Variants in TMTC2 observed in about 807,000 individuals in gnomAD.
TMTC2 encodes the protein transmembrane O-mannosyltransferase targeting cadherins 2.
Under a neutral mutation model 82.4 loss-of-function variants are expected in TMTC2, and 43 were observed. The ratio of observed to expected loss-of-function variants is 0.52; its 90% CI spans 0.41 to 0.67. The LOEUF (loss-of-function observed/expected upper bound fraction) is 0.67. Among genes scored for constraint, TMTC2 ranks in the 30% least tolerant of loss-of-function variants. The pLI, the probability that TMTC2 is intolerant of heterozygous loss-of-function variation, is 0.00. For missense variants in TMTC2, 919 were observed against 1,012.4 expected, an observed-to-expected ratio of 0.91 and a Z score of 1.25; for synonymous variants, 408 against 381.9, an observed-to-expected ratio of 1.07 and a Z score of -0.80.
At chr12:82,956,077 C>G (rs1344506437) in intron 4 of TMTC2, among the ~76,000 whole-genome samples, 2 of 152,060 alleles carry the variant, frequency 1.3e-5, no homozygotes, top group East Asian at 3.9e-4. Context: ...ATGTGAAATC[C>G]TTGAGTTGTA....
chr12:83,029,418 A>G (rs1415852513), intron 8 of TMTC2, among the ~76,000 whole-genome samples: 1 of 152,208 alleles, frequency 6.6e-6, no homozygotes, highest in African/African-American at 2.4e-5. Flanking sequence ...AGGGAAGCCA[A>G]AAGATTAGAC....
intron 10 of TMTC2, among the ~76,000 whole-genome samples, chr12:83,054,386 A>T (rs1035876192): frequency 1.3e-5 from 2 of 152,078 alleles, no homozygotes; most frequent in Admixed American, 6.6e-5. Flanking sequence ...GTGTACAATT[A>T]ATGAGCTAAT....
chr12:82,697,218 C>T (rs973774543), intron 1 of TMTC2, among the ~76,000 whole-genome samples: 1 of 151,284 alleles, frequency 6.6e-6, no homozygotes, highest in African/African-American at 2.4e-5. Context: ...GTGATGCATC[C>T]CTGTAATCCC....
chr12:83,108,204 G>T (rs958940523), intron 11 of TMTC2, among the ~76,000 whole-genome samples: 2 of 151,680 alleles, frequency 1.3e-5, no homozygotes, highest in Admixed American at 6.6e-5. Flanking sequence ...GGACTAATAC[G>T]GTCTTTAAAT....
In TMTC2 at chr12:82,857,592, T is replaced by A; in HGVS notation, c.654+12T>A. The A allele has an allele frequency of 6.3e-7, 1 of 1,586,244 alleles. No individual in the cohort carries two copies. The highest frequency in any genetic ancestry group is 8.6e-7 in the Non-Finnish European group (1 of 1,165,458). On this transcript the variant is annotated intron_variant, in intron 2 of 11. Transcript: ENST00000321196. ...CTACCATTTACAAAGTAAGTGATTG[T>A]TGGCTCTTGAGCATTGGATTACTGA... is the stretch of plus-strand genomic sequence containing the variant.
chr12:82,998,295 T>A (rs1349282207), intron 8 of TMTC2, among the ~76,000 whole-genome samples: 1 of 152,126 alleles, frequency 6.6e-6, no homozygotes, highest in Non-Finnish European at 1.5e-5. Context: ...GAGGTCAACA[T>A]TTTGAAAGAG....
chr12:82,967,086 A>G lies in TMTC2; in HGVS notation c.1948+89A>G, dbSNP rs1157612877. On this transcript the variant is annotated intron_variant, in intron 7 of 11. Coordinates refer to ENST00000321196, the MANE Select transcript of TMTC2 (RefSeq NM_152588.3). ...TGTTCGTGTTTAATGGAATTCTAAT[A>G]AATCATATTAATCCTCACAAAAGAA... 7 of 965,116 alleles carry G rather than the reference A, an allele frequency of 7.3e-6. No homozygotes were observed. The Admixed American group carries it at 1.2e-4, about 17-fold the overall frequency. The allele number at this position is 965,116 out of a possible 1,614,324, so 59.8% of individuals were successfully genotyped here.
At chr12:83,113,173 C>A (rs888895677) in intron 11 of TMTC2, among the ~76,000 whole-genome samples, 1 of 151,942 alleles carries the variant, frequency 6.6e-6, no homozygotes, top group Non-Finnish European at 1.5e-5. Context: ...TTTATATTAA[C>A]AAGGTAGAAC....
chr12:82,856,043 T>A (rs1480457860), intron 1 of TMTC2, among the ~76,000 whole-genome samples: 1 of 152,204 alleles, frequency 6.6e-6, no homozygotes, highest in Non-Finnish European at 1.5e-5. Flanking sequence ...AATTAATCTT[T>A]CTGAACCACA....
chr12:82,830,705 T>A (rs1248855235), intron 1 of TMTC2, among the ~76,000 whole-genome samples: 2 of 152,160 alleles, frequency 1.3e-5, no homozygotes, highest in African/African-American at 4.8e-5. Flanking sequence ...AATCTAAATG[T>A]CAGGGCAATG....
At chr12:83,073,641 A>C (rs1883189652) in intron 11 of TMTC2, among the ~76,000 whole-genome samples, 1 of 152,090 alleles carries the variant, frequency 6.6e-6, no homozygotes, top group Admixed American at 6.6e-5. Flanking sequence ...CATTTAACAT[A>C]ATCCCAGACT....
intron 1 of TMTC2, among the ~76,000 whole-genome samples, chr12:82,729,995 C>T (rs1350824891): frequency 6.6e-6 from 1 of 152,078 alleles, no homozygotes; most frequent in Admixed American, 6.6e-5. Context: ...CCTGAGCCAG[C>T]GAGACCACGA....
intron 1 of TMTC2, among the ~76,000 whole-genome samples, chr12:82,829,792 C>A (rs1869651528): frequency 6.6e-6 from 1 of 152,108 alleles, no homozygotes. Flanking sequence ...TGAAGCTAAA[C>A]TTTGAAGGAG....
intron 1 of TMTC2, among the ~76,000 whole-genome samples, chr12:82,730,818 G>A (rs976844542): frequency 3.3e-5 from 5 of 152,164 alleles, no homozygotes; most frequent in African/African-American, 9.7e-5. Flanking sequence ...TAGCAAGGTA[G>A]GATCTACTTA....
At chr12:82,806,262 A>G (rs1425771912) in intron 1 of TMTC2, among the ~76,000 whole-genome samples, 8 of 152,144 alleles carry the variant, frequency 5.3e-5, no homozygotes, top group Admixed American at 5.2e-4. Context: ...TTTTTAAGAC[A>G]AGAAAAAAAA....
intron 11 of TMTC2, among the ~76,000 whole-genome samples, chr12:83,074,209 C>G (rs1360875210): frequency 1.3e-5 from 2 of 152,152 alleles, no homozygotes; most frequent in Non-Finnish European, 2.9e-5. Flanking sequence ...ATGGATGTGG[C>G]TTCCTGGGAG....
At chr12:83,117,228 A>T (rs1034763295) in intron 11 of TMTC2, among the ~76,000 whole-genome samples, 2 of 151,986 alleles carry the variant, frequency 1.3e-5, no homozygotes, top group Admixed American at 1.3e-4. Context: ...TGTTTCATTG[A>T]CACAAGATAG....
At chr12:82,714,609 A>G (rs955804528) in intron 1 of TMTC2, among the ~76,000 whole-genome samples, 1 of 152,206 alleles carries the variant, frequency 6.6e-6, no homozygotes, top group East Asian at 1.9e-4. Context: ...CTCTTTCAGG[A>G]TAATGTGCTA....
chr12:82,749,888 C>T (rs897852216), intron 1 of TMTC2, among the ~76,000 whole-genome samples: 4 of 152,000 alleles, frequency 2.6e-5, no homozygotes, highest in Non-Finnish European at 5.9e-5. Context: ...CAGGCATGCA[C>T]CACCACGCCC....
Sources: allele counts gnomAD v4.1 joint callset (sites outside exome capture counted in the v4.1 genomes callset), GRCh38; gene constraint gnomAD v4.1.1; transcripts MANE v1.5; gene names NCBI Gene and HGNC (gene_info 2026-07-23, HGNC 2026-07-21).